ZNF354B: variants seen among roughly 807,000 people sequenced by gnomAD.
The protein encoded by ZNF354B is zinc finger protein 354B.
ZNF354B carries 10 observed loss-of-function variants against 12.9 expected under a neutral mutation model. That is an observed-to-expected ratio of 0.77 (90% confidence interval 0.48 to 1.31). ZNF354B has a LOEUF of 1.31. ZNF354B is among the 40% of genes most tolerant of loss of function. The pLI is 0.00. For missense variants in ZNF354B, 614 were observed against 711.7 expected, an observed-to-expected ratio of 0.86 and a Z score of 1.56; for synonymous variants, 260 against 243.7, an observed-to-expected ratio of 1.07 and a Z score of -0.62.
At chr5:178,860,198 T>C (rs2114002254) in intron 1 of ZNF354B, 71 bp downstream of exon 1, 1 of 143,028 alleles carries the variant, frequency 7.0e-6, no homozygotes, top group South Asian at 2.1e-4. Flanking sequence ...GCCGCGGGGC[T>C]CCGAGGGCCT....
At position 178,883,649 on chromosome 5, in the gene ZNF354B, A is replaced by C. The variant is rs140405302; in HGVS notation, c.1197A>C (p.Gln399His). 1.9e-6 allele frequency: 3 copies of C among 1,614,024 alleles called. No homozygotes were observed. The highest frequency in any genetic ancestry group is 2.5e-6 in the Non-Finnish European group (3 of 1,179,908). ...TCAGCCAGAGTGCCTCTCTTATTCAACATGAAAGAATTCACACCGGAGAAA... is the reference window on the plus strand; with the variant it reads ...TCAGCCAGAGTGCCTCTCTTATTCACCATGAAAGAATTCACACCGGAGAAA... Reference protein sequence around the residue: ...RAFSQSASLIQHERIHTGEKP... With the variant: ...RAFSQSASLIHHERIHTGEKP... The change falls in exon 5 of 5, where the codon CAA (glutamine) becomes CAC (histidine). Residue 399 changes from glutamine (Q) to histidine (H), a missense_variant. By Grantham distance (24) the Gln-to-His change is conservative. Coordinates refer to ENST00000322434, the MANE Select transcript of ZNF354B (RefSeq NM_058230.3).
rs767225397 is a variant in ZNF354B at position 178,882,984 on chromosome 5, A to G, written c.532A>G (p.Arg178Gly). ...YLKSVFIKQQ[R>G]FAKEKTPSKC... The stretch of plus-strand genomic sequence containing the variant: ...GAAATCAGTCTTCATTAAGCAACAG[A>G]GATTTGCTAAAGAAAAAACTCCATC... Residue 178 changes from arginine to glycine, a missense_variant, in exon 5 of 5, where the codon AGA becomes GGA. Arg to Gly is a moderately radical substitution (Grantham distance 125). Transcript: ENST00000322434. 5 of 1,608,114 alleles carry G rather than the reference A, an allele frequency of 3.1e-6. No homozygotes were observed. Among genetic ancestry groups the G allele is most frequent in the Non-Finnish European group, 3.4e-6 (4 of 1,178,684 alleles).
chr5:178,880,730 AGGGATCCTCT>A (rs1757704595), intron 4 of ZNF354B, among the ~76,000 whole-genome samples: 1 of 151,676 alleles, frequency 6.6e-6, no homozygotes, highest in African/African-American at 2.4e-5. Flanking sequence ...CCTAGGCTCA[AGGGATCCTCT>A]TGGCCTCCCA....
At position 178,883,549 on chromosome 5, in the gene ZNF354B, G is replaced by C; in HGVS notation, c.1097G>C (p.Ser366Thr). 9 of 1,613,968 alleles carry C rather than the reference G, an allele frequency of 5.6e-6. No individual in the cohort carries two copies. The highest frequency in any genetic ancestry group is 7.6e-6 in the Non-Finnish European group (9 of 1,179,964). The change falls in exon 5 of 5, where the codon AGC becomes ACC. Residue 366 changes from serine (S) to threonine (T), a missense_variant. Transcript: ENST00000322434. ...CNECGNTFKS[S>T]SSLRYHQRIH... ...GAATGTGGCAACACCTTTAAGTCTA[G>C]CTCATCCCTTCGTTATCATCAGAGA... is the stretch of plus-strand genomic sequence containing the variant.
chr5:178,867,372 C>T (rs1757479161), intron 4 of ZNF354B, among the ~76,000 whole-genome samples: 1 of 152,094 alleles, frequency 6.6e-6, no homozygotes, highest in Non-Finnish European at 1.5e-5. Flanking sequence ...GGCTGAAGCT[C>T]AGGGTGTATT....
At chr5:178,871,276 C>T (rs1197461195) in intron 4 of ZNF354B, among the ~76,000 whole-genome samples, 2 of 152,142 alleles carry the variant, frequency 1.3e-5, no homozygotes, top group African/African-American at 4.8e-5. Flanking sequence ...GGCCGCCCTG[C>T]TGTTTGTCAG....
intron 2 of ZNF354B, among the ~76,000 whole-genome samples, chr5:178,864,842 C>T (rs1310302035): frequency 5.9e-5 from 9 of 151,970 alleles, no homozygotes; most frequent in South Asian, 2.1e-4. Flanking sequence ...AGGCTGGTCT[C>T]GAACTCCTGA....
chr5:178,880,105 G>A (rs1339173574), intron 4 of ZNF354B, among the ~76,000 whole-genome samples: 2 of 152,154 alleles, frequency 1.3e-5, no homozygotes, highest in African/African-American at 2.4e-5. Context: ...CAGCCTGGGC[G>A]ACAGAGCGAG....
intron 2 of ZNF354B, among the ~76,000 whole-genome samples, chr5:178,861,395 A>G (rs944722327): frequency 1.3e-5 from 2 of 152,034 alleles, no homozygotes; most frequent in Non-Finnish European, 2.9e-5. Flanking sequence ...TCCTCCACTC[A>G]CCCATGTCTC....
Position 178,883,203 on chromosome 5 carries a change from T to C in ZNF354B, c.751T>C (p.Phe251Leu). The C allele has an allele frequency of 4.3e-6, 7 of 1,613,540 alleles. No homozygotes were observed. The highest frequency in any genetic ancestry group is 5.9e-6 in the Non-Finnish European group (7 of 1,179,898). The change falls in exon 5 of 5, where the codon TTC becomes CTC. Residue 251 changes from phenylalanine to leucine, a missense_variant. By Grantham distance (22) the Phe-to-Leu change is conservative. Coordinates refer to ENST00000322434, the MANE Select transcript of ZNF354B (RefSeq NM_058230.3). ...LFKCKECLKA[F>L]SQSSALIQHQ... Reference sequence around the variant, plus strand: ...TAAATGTAAAGAATGTTTAAAAGCTTTCAGCCAAAGTTCTGCTCTTATTCA... The same window carrying C: ...TAAATGTAAAGAATGTTTAAAAGCTCTCAGCCAAAGTTCTGCTCTTATTCA...
intron 2 of ZNF354B, among the ~76,000 whole-genome samples, chr5:178,865,515 T>C (rs111479316): frequency 0.15 from 22,535 of 151,926 alleles, 2,048 homozygotes; most frequent in African/African-American, 0.25. Flanking sequence ...GATCCAGCCA[T>C]CTCGGCCTCC....
At chr5:178,878,060 G>T (rs1757663349) in intron 4 of ZNF354B, among the ~76,000 whole-genome samples, 2 of 152,146 alleles carry the variant, frequency 1.3e-5, no homozygotes, top group Non-Finnish European at 2.9e-5. Context: ...TGTCTATTGG[G>T]TAGTATGCTG....
At chr5:178,875,305 G>A (rs1463514796) in intron 4 of ZNF354B, among the ~76,000 whole-genome samples, 3 of 152,202 alleles carry the variant, frequency 2.0e-5, no homozygotes, top group African/African-American at 7.2e-5. Context: ...CCTTTCACTT[G>A]TCTATGGGCC....
chr5:178,865,200 G>A (rs1757428376), intron 2 of ZNF354B, among the ~76,000 whole-genome samples: 1 of 152,168 alleles, frequency 6.6e-6, no homozygotes, highest in African/African-American at 2.4e-5. Flanking sequence ...ACTTTTGAAT[G>A]GAGCCCAGGA....
At chr5:178,880,050 C>T (rs937219480) in intron 4 of ZNF354B, among the ~76,000 whole-genome samples, 2 of 152,114 alleles carry the variant, frequency 1.3e-5, no homozygotes, top group African/African-American at 4.8e-5. Context: ...GGTGTGAACC[C>T]AGGAGGTGGA....
intron 4 of ZNF354B, among the ~76,000 whole-genome samples, chr5:178,877,556 G>A (rs1289669907): frequency 2.0e-5 from 3 of 152,188 alleles, no homozygotes; most frequent in Non-Finnish European, 4.4e-5. Context: ...AAATCCTCTG[G>A]AAGCCACATC....
chr5:178,878,948 G>A (rs978441309), intron 4 of ZNF354B, among the ~76,000 whole-genome samples: 2 of 152,108 alleles, frequency 1.3e-5, no homozygotes, highest in Non-Finnish European at 2.9e-5. Context: ...TGATGCACCC[G>A]CCTCAGCCTC....
At chr5:178,870,981 T>C (rs912807825) in intron 4 of ZNF354B, among the ~76,000 whole-genome samples, 4 of 152,190 alleles carry the variant, frequency 2.6e-5, no homozygotes, top group Non-Finnish European at 4.4e-5. Flanking sequence ...GTTTAATTTG[T>C]ATGAGTTAGT....
intron 2 of ZNF354B, among the ~76,000 whole-genome samples, chr5:178,861,428 A>G (rs900571861): frequency 3.3e-5 from 5 of 152,140 alleles, no homozygotes; most frequent in African/African-American, 1.2e-4. Context: ...TCGCAGGAAT[A>G]CTTTCTCTTT....
Sources: allele counts gnomAD v4.1 joint callset (sites outside exome capture counted in the v4.1 genomes callset), GRCh38; gene constraint gnomAD v4.1.1; transcripts MANE v1.5; gene names NCBI Gene and HGNC (gene_info 2026-07-23, HGNC 2026-07-21).